NGLY1: variants seen among roughly 807,000 people sequenced by gnomAD.
NGLY1 encodes the protein N-glycanase 1.
Under a neutral mutation model 84.6 loss-of-function variants are expected in NGLY1, and 68 were observed. That is an observed-to-expected ratio of 0.80 (90% CI 0.66 to 0.98). The LOEUF is 0.98. Among genes scored for constraint, NGLY1 ranks in the 50% least tolerant of loss-of-function variants. The pLI, the probability that NGLY1 is intolerant of heterozygous loss-of-function variation, is 0.00. For missense variants in NGLY1, 779 were observed against 770.2 expected, an observed-to-expected ratio of 1.01 and a Z score of -0.14; for synonymous variants, 280 against 275.2, an observed-to-expected ratio of 1.02 and a Z score of -0.17.
chr3:25,728,005 A>T (rs150091298), intron 10 of NGLY1, among the ~76,000 whole-genome samples: 1 of 152,286 alleles, frequency 6.6e-6, no homozygotes, highest in Non-Finnish European at 1.5e-5. Flanking sequence ...AACTAATTAC[A>T]GGTATCTCGA....
upstream of NGLY1, among the ~76,000 whole-genome samples, chr3:25,784,526 A>G (rs1559564560): frequency 6.6e-6 from 1 of 152,180 alleles, no homozygotes; most frequent in Admixed American, 6.5e-5. Flanking sequence ...TTGAAAGTGT[A>G]CTTTACCAGT....
intron 3 of NGLY1, among the ~76,000 whole-genome samples, chr3:25,760,860 C>CAAAAAAAAAAAAAAAA (rs760535260): frequency 1.4e-5 from 1 of 71,676 alleles, no homozygotes; most frequent in African/African-American, 6.8e-5. Flanking sequence ...AACTCTGTCT[C>CAAAAAAAAAAAAAAAA]AAAAAAAAAA....
intron 4 of NGLY1, among the ~76,000 whole-genome samples, chr3:25,744,257 T>A (rs1706306433): frequency 6.6e-6 from 1 of 152,202 alleles, no homozygotes; most frequent in Non-Finnish European, 1.5e-5. Context: ...ATATATTTTG[T>A]TACCACTTTT....
At chr3:25,785,395 T>C (rs1708581096), upstream of NGLY1, among the ~76,000 whole-genome samples, 1 of 152,174 alleles carries the variant, frequency 6.6e-6, no homozygotes, top group African/African-American at 2.4e-5. Flanking sequence ...GAGATATAGC[T>C]ATCACAAACT....
At chr3:25,769,755 T>C (rs1314185423) in intron 2 of NGLY1, among the ~76,000 whole-genome samples, 1 of 152,216 alleles carries the variant, frequency 6.6e-6, no homozygotes, top group Non-Finnish European at 1.5e-5. Flanking sequence ...AAAAAAATTC[T>C]TATGCTTAAT....
chr3:25,726,556 G>A (rs1705274343), intron 10 of NGLY1, among the ~76,000 whole-genome samples: 1 of 152,124 alleles, frequency 6.6e-6, no homozygotes, highest in Admixed American at 6.5e-5. Context: ...AGAAGTATAG[G>A]AGGTTCTGTG....
At chr3:25,744,438 T>C (rs2125497224) in intron 4 of NGLY1, among the ~76,000 whole-genome samples, 1 of 152,236 alleles carries the variant, frequency 6.6e-6, no homozygotes, top group Middle Eastern at 3.4e-3. Context: ...CTTTCCCCAG[T>C]CCATAGACCC....
At position 25,751,116 on chromosome 3, in the gene NGLY1, C is replaced by G. The variant is rs1161631791; in HGVS notation, c.640G>C (p.Ala214Pro). 1 of 1,612,012 alleles carries G rather than the reference C, an allele frequency of 6.2e-7. No individual in the cohort carries two copies. The highest frequency in any genetic ancestry group is 2.2e-5 in the East Asian group (1 of 44,826). ...KRKSQEKLSRARKLDKGINIS... is the reference protein window; with the variant it reads ...KRKSQEKLSRPRKLDKGINIS... ...CTACTACCTTTATCCAATTTTCTAG[C>G]TCTCGATAACTTTTCTTGTGATTTC... The change falls in exon 4 of 12, where the codon GCT (alanine) becomes CCT (proline). Residue 214 changes from alanine (A) to proline (P), a missense_variant. Ala to Pro is a conservative substitution (Grantham distance 27). Coordinates refer to ENST00000280700, the MANE Select transcript of NGLY1 (RefSeq NM_018297.4).
chr3:25,733,467 G>GTGTA (rs35884327), intron 8 of NGLY1, among the ~76,000 whole-genome samples: 1,048 of 6,604 alleles, frequency 0.16, 16 homozygotes, highest in African/African-American at 0.18. Context: ...TCACATGGAC[G>GTGTA]TGTGTGTGTG....
At chr3:25,781,261 TTTTTA>T in intron 1 of NGLY1, among the ~76,000 whole-genome samples, 1 of 152,304 alleles carries the variant, frequency 6.6e-6, no homozygotes, top group South Asian at 2.1e-4. Context: ...AGCAATTTTA[TTTTTA>T]TATCATCTCT....
chr3:25,739,469 G>T, intron 5 of NGLY1, 108 bp downstream of exon 5: 1 of 1,087,472 alleles, frequency 9.2e-7, no homozygotes, highest in South Asian at 1.6e-5. Flanking sequence ...CGGTATTTTA[G>T]AGGAATATAT....
chr3:25,775,559 G>A (rs1167870103), intron 2 of NGLY1, among the ~76,000 whole-genome samples: 17 of 152,144 alleles, frequency 1.1e-4, no homozygotes, highest in Non-Finnish European at 1.8e-4. Context: ...AATAACACAT[G>A]TTCTCACTCA....
upstream of NGLY1, among the ~76,000 whole-genome samples, chr3:25,784,706 A>C (rs541340994): frequency 6.6e-6 from 1 of 152,332 alleles, no homozygotes; most frequent in Non-Finnish European, 1.5e-5. Context: ...CAAGACCCTA[A>C]GCTATGACAT....
chr3:25,781,663 C>T (rs965237035), intron 1 of NGLY1, among the ~76,000 whole-genome samples: 1 of 152,186 alleles, frequency 6.6e-6, no homozygotes, highest in Non-Finnish European at 1.5e-5. Flanking sequence ...CGCCACTGCA[C>T]TCCAGCCTCA....
At chr3:25,734,680 C>A in intron 7 of NGLY1, 1 of 636,824 alleles carries the variant, frequency 1.6e-6, no homozygotes. Flanking sequence ...CAACTGCACT[C>A]CAGCCTGGGC....
Position 25,739,744 on chromosome 3 carries a change from C to G in NGLY1, c.714G>C (p.Lys238Asn), listed in dbSNP as rs761901772. 6.2e-7 allele frequency: 1 copy of G among 1,614,070 alleles called. No individual in the cohort carries two copies. Among genetic ancestry groups the G allele is most frequent in the South Asian group, 1.1e-5 (1 of 91,080 alleles). Reference sequence around the variant, plus strand: ...TATTCACCCAGTGAAAAAATTCTTCCTTAAACCAGTGCAAAAGCTCCAGCA... The same window carrying G: ...TATTCACCCAGTGAAAAAATTCTTCGTTAAACCAGTGCAAAAGCTCCAGCA... ...FLLLELLHWFKEEFFHWVNNV... is the reference protein window; with the variant it reads ...FLLLELLHWFNEEFFHWVNNV... Residue 238 changes from lysine to asparagine, a missense_variant, in exon 5 of 12, where the codon AAG becomes AAC. By Grantham distance (94) the Lys-to-Asn change is moderately conservative. Transcript: ENST00000280700.
chr3:25,772,178 T>G (rs1707927721), intron 2 of NGLY1, among the ~76,000 whole-genome samples: 1 of 152,234 alleles, frequency 6.6e-6, no homozygotes, highest in Non-Finnish European at 1.5e-5. Context: ...CATACAAAGT[T>G]TTGATTACCT....
intron 2 of NGLY1, among the ~76,000 whole-genome samples, chr3:25,775,799 C>T (rs1464780295): frequency 2.0e-5 from 3 of 152,096 alleles, no homozygotes; most frequent in Admixed American, 6.6e-5. Flanking sequence ...ACGGTGACTA[C>T]GGTTAAAAAC....
rs375290096 is a variant in NGLY1 at position 25,733,834 on chromosome 3, T to C, written c.1260+38A>G. On this transcript the variant is annotated intron_variant, in intron 8 of 11. Coordinates refer to ENST00000280700, the MANE Select transcript of NGLY1 (RefSeq NM_018297.4). ...CGGCTATTCTCGATTACATAAAAAA[T>C]GTCAACTGTTCTTTCAAAAAAGATA... 1.1e-5 allele frequency: 16 copies of C among 1,430,380 alleles called. No homozygotes were observed. The African/African-American group carries it at 1.5e-4, about 14-fold the overall frequency. The allele number at this position is 1,430,380 out of a possible 1,614,324, so 88.6% of individuals were successfully genotyped here.
Sources: allele counts gnomAD v4.1 joint callset (sites outside exome capture counted in the v4.1 genomes callset), GRCh38; gene constraint gnomAD v4.1.1; transcripts MANE v1.5; gene names NCBI Gene and HGNC (gene_info 2026-07-23, HGNC 2026-07-21).